Variants in TRMT9B observed in about 807,000 individuals in gnomAD.
TRMT9B encodes the protein tRNA methyltransferase 9B (putative).
A neutral mutation model predicts 11.5 loss-of-function variants in TRMT9B; 16 were observed. The ratio of observed to expected loss-of-function variants is 1.39; its 90% CI spans 0.94 to 2.11. TRMT9B has a LOEUF of 2.11. TRMT9B is among the 30% of genes most tolerant of loss of function. TRMT9B has a pLI of 0.00. For missense variants in TRMT9B, 941 were observed against 553.8 expected (o/e 1.70, Z -7.02); for synonymous variants, 274 against 192.4 (o/e 1.42, Z -3.51).
intron 1 of TRMT9B, among the ~76,000 whole-genome samples, chr8:12,983,443 G>A (rs1409959505): frequency 1.3e-5 from 2 of 152,150 alleles, no homozygotes; most frequent in Non-Finnish European, 1.5e-5. Flanking sequence ...GCTGAGGAGG[G>A]CAGATTACCT....
chr8:12,983,656 C>A (rs764103343), intron 1 of TRMT9B, among the ~76,000 whole-genome samples: 32 of 152,122 alleles, frequency 2.1e-4, no homozygotes, highest in Non-Finnish European at 3.8e-4. Context: ...GGCAACAGAG[C>A]AAGACGCCGT....
chr8:12,965,019 A>C (rs1012990253), intron 1 of TRMT9B, among the ~76,000 whole-genome samples: 1 of 152,210 alleles, frequency 6.6e-6, no homozygotes, highest in Admixed American at 6.5e-5. Flanking sequence ...TCACAGACTT[A>C]ATAACCCCTC....
At chr8:12,995,510 C>G (rs758875177) in intron 2 of TRMT9B, among the ~76,000 whole-genome samples, 2 of 152,070 alleles carry the variant, frequency 1.3e-5, no homozygotes, top group African/African-American at 2.4e-5. Context: ...ATATATGAAC[C>G]GCATGATAAT....
rs530122259 is a variant in TRMT9B, at chr8:12,967,458, A to AT, written c.-200+21495dup. ...AATGGCAGGGATGGTGACAACGATG[A>AT]TTTGTTTACCCCAGAGATTTTTCTT... On this transcript the variant is annotated intron_variant, in intron 1 of 4. Transcript: ENST00000524591. 1.4e-4 allele frequency among the ~76,000 whole-genome samples: 21 copies of AT among 152,298 alleles called. 1 individual carries two copies. The South Asian group carries it at 4.4e-3, about 32-fold the overall frequency.
At chr8:13,017,739 G>A (rs1426971068) in intron 4 of TRMT9B, among the ~76,000 whole-genome samples, 1 of 149,414 alleles carries the variant, frequency 6.7e-6, no homozygotes, top group Non-Finnish European at 1.5e-5. Context: ...TCAGTTTCCT[G>A]AGTAACTTGG....
chr8:12,968,097 C>A (rs1350950550), intron 1 of TRMT9B, among the ~76,000 whole-genome samples: 1 of 152,218 alleles, frequency 6.6e-6, no homozygotes, highest in Non-Finnish European at 1.5e-5. Context: ...GTTGTCCAGG[C>A]TGGTCTCAAA....
intron 1 of TRMT9B, among the ~76,000 whole-genome samples, chr8:12,978,020 C>G (rs1804731756): frequency 6.6e-6 from 1 of 152,056 alleles, no homozygotes; most frequent in Admixed American, 6.6e-5. Context: ...CAGAGCGAGA[C>G]CCTGTCTCCA....
chr8:12,973,788 A>C (rs115143584), intron 1 of TRMT9B, among the ~76,000 whole-genome samples: 1 of 152,142 alleles, frequency 6.6e-6, no homozygotes, highest in Non-Finnish European at 1.5e-5. Context: ...TCCACAAAAC[A>C]CTTCATGAAT....
intron 2 of TRMT9B, among the ~76,000 whole-genome samples, chr8:12,991,604 G>C (rs991524836): frequency 6.6e-6 from 1 of 152,082 alleles, no homozygotes; most frequent in Non-Finnish European, 1.5e-5. Flanking sequence ...TTTTAGTTAT[G>C]AAAAAGTGAC....
At chr8:12,955,799 A>AAGT (rs1490154337) in intron 1 of TRMT9B, among the ~76,000 whole-genome samples, 1 of 152,132 alleles carries the variant, frequency 6.6e-6, no homozygotes, top group Non-Finnish European at 1.5e-5. Context: ...TTGCAACTGA[A>AAGT]AGTAGGGGAG....
intron 3 of TRMT9B, chr8:13,012,304 C>A: frequency 1.0e-6 from 1 of 984,688 alleles, no homozygotes; most frequent in Non-Finnish European, 1.2e-6. Flanking sequence ...TGGCCAGGCA[C>A]AGTGGCTTGC....
At chr8:12,954,933 A>G (rs911001281) in intron 1 of TRMT9B, among the ~76,000 whole-genome samples, 19 of 152,206 alleles carry the variant, frequency 1.2e-4, no homozygotes, top group Non-Finnish European at 2.6e-4. Flanking sequence ...TGAAATGGAG[A>G]TAATGACACC....
At chr8:12,985,736 A>G (rs1405985774) in intron 1 of TRMT9B, among the ~76,000 whole-genome samples, 1 of 152,164 alleles carries the variant, frequency 6.6e-6, no homozygotes, top group Non-Finnish European at 1.5e-5. Context: ...GCTGACATCT[A>G]TGGGACTTAA....
At chr8:12,981,675 C>T (rs946472254) in intron 1 of TRMT9B, among the ~76,000 whole-genome samples, 1 of 152,020 alleles carries the variant, frequency 6.6e-6, no homozygotes, top group South Asian at 2.1e-4. Context: ...TCATACCTCA[C>T]TGCAGCCTCA....
chr8:12,988,170 T>C (rs1180723618), intron 1 of TRMT9B, among the ~76,000 whole-genome samples: 1 of 152,132 alleles, frequency 6.6e-6, no homozygotes, highest in Admixed American at 6.5e-5. Context: ...ACCCCACTCA[T>C]CTTTTGAACT....
intron 4 of TRMT9B, among the ~76,000 whole-genome samples, chr8:13,014,825 G>A (rs1812321009): frequency 6.6e-6 from 1 of 152,096 alleles, no homozygotes; most frequent in Non-Finnish European, 1.5e-5. Context: ...CACTTTGGGA[G>A]GCCAAGGTGG....
chr8:13,005,044 C>A lies in TRMT9B; in HGVS notation c.-1-1158C>A, dbSNP rs545623137. 2.7e-5 allele frequency among the ~76,000 whole-genome samples: 4 copies of A among 150,932 alleles called. No individual in the cohort carries two copies. The South Asian group carries it at 6.3e-4, about 24-fold the overall frequency. On this transcript the variant is annotated intron_variant, in intron 2 of 4. Transcript: ENST00000524591. ...GAGGTTACACTGAGCCGAGATCATGCCACTGCACTCCAGCCTGGGCGATAC... is the reference window on the plus strand; with the variant it reads ...GAGGTTACACTGAGCCGAGATCATGACACTGCACTCCAGCCTGGGCGATAC...
intron 3 of TRMT9B, 167 bp from the exon 4 acceptor site, chr8:13,012,517 G>C (rs753276336): frequency 1.2e-6 from 1 of 860,528 alleles, no homozygotes; most frequent in Middle Eastern, 4.0e-4. Context: ...AGAGGTTGCA[G>C]TGAACCGAGA....
At chr8:12,963,698 G>A (rs1167497143) in intron 1 of TRMT9B, among the ~76,000 whole-genome samples, 9 of 149,208 alleles carry the variant, frequency 6.0e-5, no homozygotes, top group South Asian at 4.3e-4. Context: ...ATGATGAGCC[G>A]TGATTGCACC....
Sources: allele counts gnomAD v4.1 joint callset (sites outside exome capture counted in the v4.1 genomes callset), GRCh38; gene constraint gnomAD v4.1.1; transcripts MANE v1.5; gene names NCBI Gene and HGNC (gene_info 2026-07-23, HGNC 2026-07-21).